Variants in CDC42BPB observed in about 807,000 individuals in gnomAD.
CDC42BPB encodes CDC42 binding protein kinase beta.
In CDC42BPB, 37 loss-of-function variants were observed where a neutral mutation model predicts 214.9. That is an observed-to-expected ratio of 0.17 (90% CI 0.13 to 0.23). The LOEUF (loss-of-function observed/expected upper bound fraction) is 0.23, where lower values mean the gene tolerates loss of function less well. CDC42BPB is among the 10% of genes least tolerant of loss of function. The probability of loss-of-function intolerance (pLI) is 1.00; values close to 1 mark genes in which losing one functional copy is unlikely to be tolerated. For synonymous variants in CDC42BPB, 931 were observed against 884.0 expected (o/e 1.05, Z -0.94); for missense variants, 1,694 against 2,227.0 (o/e 0.76, Z 4.82).
chr14:103,038,481 G>A (rs1350943208), intron 1 of CDC42BPB, among the ~76,000 whole-genome samples: 2 of 152,148 alleles, frequency 1.3e-5, no homozygotes, highest in African/African-American at 2.4e-5. Flanking sequence ...GAACTAAGCT[G>A]CAGCTATACC....
rs71119751 is a variant in CDC42BPB, at chr14:103,048,532, CAAAAAAAAAAAAA to C, written c.175+8454_175+8466del. ...TGAAACCCTGTTTCTACTAAAAATA[CAAAAAAAAAAAAA>C]AAAAAAAAAAAAAAAATTAGCCAGG... On this transcript the variant is annotated intron_variant, in intron 1 of 36. Transcript: ENST00000361246. Among the ~76,000 whole-genome samples, 373 of 42,670 alleles carry C rather than the reference CAAAAAAAAAAAAA, an allele frequency of 8.7e-3. 2 individuals are homozygous for C. In the Middle Eastern group the frequency reaches 0.1, roughly 12 times the overall value. The allele number at this position is 42,670 out of a possible 152,430, so 28.0% of individuals were successfully genotyped here.
intron 34 of CDC42BPB, among the ~76,000 whole-genome samples, chr14:102,939,099 G>A (rs1022687229): frequency 6.6e-6 from 1 of 152,022 alleles, no homozygotes; most frequent in African/African-American, 2.4e-5. Context: ...GCCACACCCA[G>A]CTAATTTCTT....
intron 1 of CDC42BPB, among the ~76,000 whole-genome samples, chr14:103,038,537 T>G (rs1161454931): frequency 6.6e-6 from 1 of 152,022 alleles, no homozygotes; most frequent in Non-Finnish European, 1.5e-5. Flanking sequence ...CAATTACTTT[T>G]TATTTTTTGA....
At chr14:103,054,079 G>A (rs528244659) in intron 1 of CDC42BPB, among the ~76,000 whole-genome samples, 4 of 152,146 alleles carry the variant, frequency 2.6e-5, no homozygotes, top group African/African-American at 7.2e-5. Context: ...TGCTCAGGCT[G>A]GTCTTGTCTT....
rs148428155 is a variant in CDC42BPB at position 102,987,961 on chromosome 14, A to C, written c.597-1381T>G. On this transcript the variant is annotated intron_variant, in intron 5 of 36. Transcript: ENST00000361246. ...TGCACTCCAGCCTGGGCGACAGAGCAAGACCCTGTCTCAAAACACAAAAAC... is the reference window on the plus strand; with the variant it reads ...TGCACTCCAGCCTGGGCGACAGAGCCAGACCCTGTCTCAAAACACAAAAAC... 3.1e-3 allele frequency among the ~76,000 whole-genome samples: 479 copies of C among 152,072 alleles called. 7 individuals are homozygous for C. Among genetic ancestry groups the C allele is most frequent in the Non-Finnish European group, 2.1e-3 (146 of 67,984 alleles).
At chr14:103,017,952 C>G (rs561224652) in intron 1 of CDC42BPB, among the ~76,000 whole-genome samples, 68 of 152,338 alleles carry the variant, frequency 4.5e-4, no homozygotes, top group African/African-American at 1.6e-3. Context: ...AAGCAGTGGT[C>G]CCAACCTTTT....
intron 5 of CDC42BPB, among the ~76,000 whole-genome samples, chr14:102,993,271 C>T (rs1422531046): frequency 2.0e-5 from 3 of 152,176 alleles, no homozygotes; most frequent in African/African-American, 4.8e-5. Flanking sequence ...ACGTTCACTT[C>T]CCAACAGACT....
intron 5 of CDC42BPB, among the ~76,000 whole-genome samples, chr14:102,998,389 A>G (rs1410606018): frequency 6.6e-6 from 1 of 152,268 alleles, no homozygotes; most frequent in African/African-American, 2.4e-5. Context: ...AAGTGTAATC[A>G]GCGGGGCCAG....
chr14:102,964,024 G>T (rs1466066916), intron 19 of CDC42BPB, among the ~76,000 whole-genome samples: 1 of 152,038 alleles, frequency 6.6e-6, no homozygotes. Context: ...AATCACTGCT[G>T]TGTGAAAATG....
intron 1 of CDC42BPB, among the ~76,000 whole-genome samples, chr14:103,029,858 CAAAAAA>C (rs11299296): frequency 3.2e-5 from 2 of 62,374 alleles, no homozygotes; most frequent in African/African-American, 6.1e-5. Context: ...ACTCCATCTC[CAAAAAA>C]AAAAAAAAAA....
At chr14:102,951,378 C>T (rs1892482967) in intron 24 of CDC42BPB, among the ~76,000 whole-genome samples, 1 of 152,228 alleles carries the variant, frequency 6.6e-6, no homozygotes. Context: ...GGCTCCAGGA[C>T]CCTCCCACAG....
chr14:103,020,920 T>C (rs1404540276), intron 1 of CDC42BPB, among the ~76,000 whole-genome samples: 3 of 152,266 alleles, frequency 2.0e-5, no homozygotes, highest in Admixed American at 6.5e-5. Flanking sequence ...TTTTGTAAGA[T>C]GTCAGAATAC....
intron 2 of CDC42BPB, among the ~76,000 whole-genome samples, chr14:103,010,163 T>C (rs1411044675): frequency 1.3e-5 from 2 of 152,210 alleles, no homozygotes; most frequent in Non-Finnish European, 2.9e-5. Flanking sequence ...GGCACATGCC[T>C]GTAGTCACAA....
chr14:102,988,568 G>C (rs1002189398), intron 5 of CDC42BPB, among the ~76,000 whole-genome samples: 1 of 152,168 alleles, frequency 6.6e-6, no homozygotes, highest in African/African-American at 2.4e-5. Flanking sequence ...TTAAAGCAGT[G>C]TGGTGCTAGT....
chr14:102,987,898 T>C (rs938449811), intron 5 of CDC42BPB, among the ~76,000 whole-genome samples: 2 of 150,408 alleles, frequency 1.3e-5, no homozygotes, highest in African/African-American at 4.9e-5. Flanking sequence ...GCTTGAACCT[T>C]GGGAGGCAGA....
At chr14:103,007,318 ATGAC>A (rs1566898841) in intron 3 of CDC42BPB, among the ~76,000 whole-genome samples, 1 of 152,174 alleles carries the variant, frequency 6.6e-6, no homozygotes, top group Non-Finnish European at 1.5e-5. Flanking sequence ...AAAAGCCAGA[ATGAC>A]TGAGTCACGA....
intron 5 of CDC42BPB, among the ~76,000 whole-genome samples, chr14:102,997,484 G>A (rs1377092674): frequency 1.3e-5 from 2 of 152,194 alleles, no homozygotes; most frequent in Non-Finnish European, 2.9e-5. Flanking sequence ...GAAAGGGAGA[G>A]GGGATCTCTG....
At chr14:103,008,235 C>A (rs1014069195) in intron 3 of CDC42BPB, among the ~76,000 whole-genome samples, 3 of 152,234 alleles carry the variant, frequency 2.0e-5, no homozygotes, top group Non-Finnish European at 4.4e-5. Flanking sequence ...GACCCGCCAA[C>A]ATTCTCGAGG....
chr14:103,011,685 C>T (rs1886168817), intron 2 of CDC42BPB, among the ~76,000 whole-genome samples: 1 of 151,988 alleles, frequency 6.6e-6, no homozygotes, highest in South Asian at 2.1e-4. Flanking sequence ...CAAAGGTTGC[C>T]GTTAGCCAAG....
Sources: gnomAD v4.1 joint callset for allele counts (sites outside exome capture counted in the v4.1 genomes callset) on GRCh38, gnomAD v4.1.1 for gene constraint, MANE v1.5 for transcripts, NCBI Gene and HGNC (gene_info 2026-07-23, HGNC 2026-07-21) for gene names.